Variants in STK32B observed in about 807,000 individuals in gnomAD.
STK32B encodes the protein serine/threonine-protein kinase 32B.
Under a neutral mutation model 52.6 loss-of-function variants are expected in STK32B, and 43 were observed. The ratio of observed to expected loss-of-function variants is 0.82; its 90% CI spans 0.64 to 1.05. STK32B has a LOEUF of 1.05. Ranked by LOEUF, STK32B falls within the 50% of genes least tolerant of loss-of-function variation. The probability of loss-of-function intolerance (pLI) is 0.00; values close to 1 mark genes in which losing one functional copy is unlikely to be tolerated. For missense variants in STK32B, 621 were observed against 534.6 expected, an observed-to-expected ratio of 1.16 and a Z score of -1.59; for synonymous variants, 238 against 204.3, an observed-to-expected ratio of 1.17 and a Z score of -1.41.
chr4:5,160,668 T>C (rs1219173792), intron 2 of STK32B, among the ~76,000 whole-genome samples: 1 of 152,232 alleles, frequency 6.6e-6, no homozygotes, highest in Non-Finnish European at 1.5e-5. Context: ...GCCACAGTTA[T>C]CAGCTAGGTG....
chr4:5,320,394 G>A (rs1731409576), intron 3 of STK32B, among the ~76,000 whole-genome samples: 1 of 152,184 alleles, frequency 6.6e-6, no homozygotes, highest in African/African-American at 2.4e-5. Context: ...GTTGAACCAT[G>A]TGAAATTGTT....
intron 4 of STK32B, among the ~76,000 whole-genome samples, chr4:5,343,520 C>T (rs531917498): frequency 2.6e-5 from 4 of 152,232 alleles, no homozygotes; most frequent in South Asian, 2.1e-4. Flanking sequence ...CCTGAGGAAT[C>T]GCCACACTGA....
At position 5,214,919 on chromosome 4, in the gene STK32B, G is replaced by T. The variant is rs974232011; in HGVS notation, c.260+46469G>T. On this transcript the variant is annotated intron_variant, in intron 3 of 11. Coordinates refer to ENST00000282908, the MANE Select transcript of STK32B (RefSeq NM_018401.3). Reference sequence around the variant, plus strand: ...TATCTTGGGAGAAATCTGAGATTTTGTGTCTCCAGACTATGTATTTTACGT... The same window carrying T: ...TATCTTGGGAGAAATCTGAGATTTTTTGTCTCCAGACTATGTATTTTACGT... Among the ~76,000 whole-genome samples the T allele has an allele frequency of 2.0e-5, 3 of 152,188 alleles. No homozygotes were observed. The East Asian group carries it at 5.8e-4, about 29-fold the overall frequency.
At chr4:5,076,275 A>G (rs1439312791) in intron 1 of STK32B, among the ~76,000 whole-genome samples, 3 of 152,222 alleles carry the variant, frequency 2.0e-5, no homozygotes, top group Admixed American at 6.5e-5. Context: ...CCAATCTACC[A>G]TAATAATAAA....
At chr4:5,100,183 C>T (rs577971464) in intron 1 of STK32B, among the ~76,000 whole-genome samples, 31 of 152,282 alleles carry the variant, frequency 2.0e-4, no homozygotes, top group Non-Finnish European at 2.9e-4. Context: ...CCACGGCCAC[C>T]GTGATCCTCC....
At chr4:5,331,654 C>T (rs1001802854) in intron 4 of STK32B, among the ~76,000 whole-genome samples, 10 of 152,136 alleles carry the variant, frequency 6.6e-5, no homozygotes, top group Admixed American at 5.9e-4. Context: ...TCCAGTATGC[C>T]TAGGGAAGCT....
chr4:5,426,717 A>G (rs1320606846), intron 6 of STK32B, among the ~76,000 whole-genome samples: 2 of 147,808 alleles, frequency 1.4e-5, no homozygotes, highest in Non-Finnish European at 3.0e-5. Context: ...AAAAAAAAGG[A>G]AAAGAAAAAA....
intron 4 of STK32B, among the ~76,000 whole-genome samples, chr4:5,335,640 A>G (rs534936742): frequency 0.017 from 2,613 of 149,736 alleles, 70 homozygotes; most frequent in African/African-American, 0.061. Context: ...CCCTCTACGC[A>G]CTGCTTTGAA....
intron 5 of STK32B, among the ~76,000 whole-genome samples, chr4:5,416,327 C>G (rs1316758857): frequency 1.3e-5 from 2 of 152,170 alleles, no homozygotes; most frequent in Non-Finnish European, 2.9e-5. Context: ...CCATGCCCAT[C>G]TGCTGCCATC....
chr4:5,207,016 G>A (rs559050463), intron 3 of STK32B, among the ~76,000 whole-genome samples: 1 of 152,290 alleles, frequency 6.6e-6, no homozygotes, highest in South Asian at 2.1e-4. Context: ...AGCAAACTAT[G>A]GCTCATGGGC....
intron 3 of STK32B, among the ~76,000 whole-genome samples, chr4:5,249,404 G>A (rs562692253): frequency 9.2e-5 from 14 of 152,060 alleles, no homozygotes; most frequent in Admixed American, 5.2e-4. Flanking sequence ...GGGATCTGAT[G>A]TCTTCCTGCC....
intron 6 of STK32B, among the ~76,000 whole-genome samples, chr4:5,418,341 T>C (rs1712332221): frequency 6.6e-6 from 1 of 152,236 alleles, no homozygotes; most frequent in Non-Finnish European, 1.5e-5. Context: ...TAATTGTTGA[T>C]GATTATTAAT....
rs1273454408 is a variant in STK32B at position 5,467,966 on chromosome 4, G to T, written c.1042-40G>T. ...CTCCATTACCGCGCGTCCCCGGACC[G>T]TGCTTTGTCATTTAGTCACCCCTCT... is the stretch of plus-strand genomic sequence containing the variant. On this transcript the variant is annotated intron_variant, in intron 10 of 11. Coordinates refer to ENST00000282908, the MANE Select transcript of STK32B (RefSeq NM_018401.3). The surrounding 1 kb of genome is among the most constrained non-coding windows in gnomAD (Gnocchi z 5.8). 1 of 1,612,286 alleles carries T rather than the reference G, an allele frequency of 6.2e-7. No homozygotes were observed. Among genetic ancestry groups the T allele is most frequent in the Non-Finnish European group, 8.5e-7 (1 of 1,178,658 alleles).
At chr4:5,171,831 C>T (rs1262060425) in intron 3 of STK32B, among the ~76,000 whole-genome samples, 1 of 150,578 alleles carries the variant, frequency 6.6e-6, no homozygotes, top group Non-Finnish European at 1.5e-5. Flanking sequence ...GTAGTTTTTT[C>T]CAATTCTGTG....
intron 3 of STK32B, among the ~76,000 whole-genome samples, chr4:5,323,419 G>A (rs1365786242): frequency 6.6e-6 from 1 of 152,110 alleles, no homozygotes; most frequent in African/African-American, 2.4e-5. Flanking sequence ...TGCTTCTTCT[G>A]GACTCCCTCA....
At chr4:5,333,241 G>A (rs1389768486) in intron 4 of STK32B, among the ~76,000 whole-genome samples, 1 of 152,190 alleles carries the variant, frequency 6.6e-6, no homozygotes, top group Non-Finnish European at 1.5e-5. Flanking sequence ...TTTCTCTGAT[G>A]GCCAGTGATG....
chr4:5,386,801 A>T lies in STK32B; in HGVS notation c.435-11406A>T, dbSNP rs995816099. On this transcript the variant is annotated intron_variant, in intron 4 of 11. Coordinates refer to ENST00000282908, the MANE Select transcript of STK32B (RefSeq NM_018401.3). The surrounding 1 kb of genome is among the most constrained non-coding windows in gnomAD (Gnocchi z 4.5). ...GTGGCTGGACCCTCCATTGGGTCCA[A>T]CTCTCGGATTCCAATAGAAGTCACG... Among the ~76,000 whole-genome samples, 1 of 152,138 alleles carries T rather than the reference A, an allele frequency of 6.6e-6. No homozygotes were observed. The highest frequency in any genetic ancestry group is 2.4e-5 in the African/African-American group (1 of 41,424).
chr4:5,488,469 G>C (rs1295460524), intron 11 of STK32B, among the ~76,000 whole-genome samples: 1 of 151,952 alleles, frequency 6.6e-6, no homozygotes, highest in Non-Finnish European at 1.5e-5. Context: ...TTTTACTAAT[G>C]TATTTTGAAT....
chr4:5,440,531 A>G (rs375389299), intron 6 of STK32B, among the ~76,000 whole-genome samples: 3 of 152,196 alleles, frequency 2.0e-5, no homozygotes, highest in South Asian at 4.1e-4. Flanking sequence ...TTCTAGATAT[A>G]CAATCATGTC....
Sources: allele counts gnomAD v4.1 joint callset (sites outside exome capture counted in the v4.1 genomes callset), GRCh38; gene constraint gnomAD v4.1.1; non-coding constraint Gnocchi (gnomAD v3.1); transcripts MANE v1.5; gene names NCBI Gene and HGNC (gene_info 2026-07-23, HGNC 2026-07-21).